TBCD: variants seen among roughly 807,000 people sequenced by gnomAD.
The protein encoded by TBCD is tubulin folding cofactor D.
Under a neutral mutation model 169.3 loss-of-function variants are expected in TBCD, and 105 were observed. The ratio of observed to expected loss-of-function variants is 0.62; its 90% CI spans 0.53 to 0.73. The LOEUF (loss-of-function observed/expected upper bound fraction) is 0.73. Among genes scored for constraint, TBCD ranks in the 30% least tolerant of loss-of-function variants. The pLI, the probability that TBCD is intolerant of heterozygous loss-of-function variation, is 0.00. For missense variants in TBCD, 1,444 were observed against 1,600.1 expected (o/e 0.90, Z 1.66); for synonymous variants, 700 against 643.9 (o/e 1.09, Z -1.32).
chr17:82,913,229 C>T (rs1287048077), intron 23 of TBCD: 1 of 152,276 alleles, frequency 6.6e-6, no homozygotes, highest in African/African-American at 2.4e-5. Flanking sequence ...CAATGTCCCC[C>T]ACTTCCCACC....
At chr17:82,850,958 G>A (rs1174590370) in intron 13 of TBCD, among the ~76,000 whole-genome samples, 9 of 152,246 alleles carry the variant, frequency 5.9e-5, no homozygotes, top group Non-Finnish European at 1.3e-4. Context: ...TACTGTGTGT[G>A]CACATACAAT....
chr17:82,856,687 C>T lies in TBCD; in HGVS notation c.1319-13537C>T, dbSNP rs75011465. Among the ~76,000 whole-genome samples, 1,460 of 152,102 alleles carry T rather than the reference C, an allele frequency of 9.6e-3. 33 individuals carry two copies. The highest frequency in any genetic ancestry group is 0.033 in the African/African-American group (1,353 of 41,402). On this transcript the variant is annotated intron_variant, in intron 13 of 38. Transcript: ENST00000355528. ...TTGCGTACAAGTGTCTGTTTGAATC[C>T]CTGTCTTCCCCTTTTTTGGGTGCGC... is the stretch of plus-strand genomic sequence containing the variant.
Position 82,781,766 on chromosome 17 carries a change from G to A in TBCD, c.771+45G>A, listed in dbSNP as rs368553703. The A allele has an allele frequency of 1.4e-5, 22 of 1,599,806 alleles. No individual in the cohort carries two copies. In the African/African-American group the frequency reaches 2.6e-4, roughly 19 times the overall value. On this transcript the variant is annotated intron_variant, in intron 7 of 38. Transcript: ENST00000355528. ...GCTGTGGAGATCGCAGGGAAATGGC[G>A]CCTTACATGGGGACCACGGAATGAT...
chr17:82,764,012 C>T lies in TBCD; in HGVS notation c.283C>T (p.Pro95Ser). The change falls in exon 3 of 39, where the codon CCA becomes TCA. Residue 95 changes from proline to serine, a missense_variant. Coordinates refer to ENST00000355528, the MANE Select transcript of TBCD (RefSeq NM_005993.5). ...GGACATAGTGCAAGATCAGACATCT[C>T]CAGCTTCCCTTGTACATCTGGCTTT... is the stretch of plus-strand genomic sequence containing the variant. ...LLDIVQDQTSPASLVHLAFKF... is the reference protein window; with the variant it reads ...LLDIVQDQTSSASLVHLAFKF... 6 of 1,613,974 alleles carry T rather than the reference C, an allele frequency of 3.7e-6. No individual in the cohort carries two copies. Among genetic ancestry groups the T allele is most frequent in the Non-Finnish European group, 5.1e-6 (6 of 1,179,868 alleles).
chr17:82,769,723 A>C (rs2048207404), intron 5 of TBCD, among the ~76,000 whole-genome samples: 1 of 151,950 alleles, frequency 6.6e-6, no homozygotes, highest in African/African-American at 2.4e-5. Context: ...CTAAAAATAC[A>C]AAAATTAGCT....
chr17:82,863,975 A>T (rs77141970), intron 13 of TBCD, among the ~76,000 whole-genome samples: 8 of 152,198 alleles, frequency 5.3e-5, no homozygotes, highest in African/African-American at 1.9e-4. Flanking sequence ...AGCTGAGTAG[A>T]TTACCACCCT....
intron 17 of TBCD, among the ~76,000 whole-genome samples, chr17:82,898,488 G>A (rs578251194): frequency 5.3e-5 from 8 of 152,366 alleles, no homozygotes; most frequent in Non-Finnish European, 1.0e-4. Context: ...GCAGGAGGCT[G>A]AACACCGCTT....
chr17:82,792,037 C>T (rs537075827), intron 7 of TBCD, among the ~76,000 whole-genome samples: 3 of 152,292 alleles, frequency 2.0e-5, no homozygotes, highest in East Asian at 1.9e-4. Context: ...CAGCTGGGCA[C>T]GGTGGATCAC....
In TBCD at chr17:82,889,499, G is replaced by T. The variant is rs140251805; in HGVS notation, c.1534-169G>T. Among the ~76,000 whole-genome samples, 21 of 152,304 alleles carry T rather than the reference G, an allele frequency of 1.4e-4. No individual in the cohort carries two copies. The East Asian group carries it at 4.1e-3, about 29-fold the overall frequency. On this transcript the variant is annotated intron_variant, in intron 15 of 38. Transcript: ENST00000355528. This position sits in a 1 kb window ranked among gnomAD's most constrained non-coding sequence, Gnocchi z 5.3. ...TTGTGGTTTTAAAGAGCACCAGGAC[G>T]TAAAAACAGAGTGACGCACCTTGAG... is the stretch of plus-strand genomic sequence containing the variant.
chr17:82,846,269 T>C (rs8068907), intron 13 of TBCD, among the ~76,000 whole-genome samples: 98,919 of 117,716 alleles, frequency 0.84, 41,861 homozygotes, highest in East Asian at 0.93. Flanking sequence ...TCCTCTGTGC[T>C]GTGTCCTCTT....
intron 12 of TBCD, among the ~76,000 whole-genome samples, chr17:82,814,393 C>T (rs539178008): frequency 6.6e-6 from 1 of 152,230 alleles, no homozygotes; most frequent in Admixed American, 6.5e-5. Context: ...ACGGGACGGT[C>T]TCTTTGTTTG....
At chr17:82,928,350 C>G (rs1236767466) in intron 30 of TBCD, among the ~76,000 whole-genome samples, 1 of 152,230 alleles carries the variant, frequency 6.6e-6, no homozygotes, top group African/African-American at 2.4e-5. Flanking sequence ...GGGTCTGCTC[C>G]TGCCAGGACC....
intron 13 of TBCD, among the ~76,000 whole-genome samples, chr17:82,852,204 C>T (rs1220679729): frequency 4.8e-5 from 7 of 146,762 alleles, no homozygotes; most frequent in African/African-American, 1.7e-4. Flanking sequence ...TCTACCCATT[C>T]TGGACATTTC....
At chr17:82,906,293 T>A (rs2060246734) in intron 20 of TBCD, among the ~76,000 whole-genome samples, 1 of 152,236 alleles carries the variant, frequency 6.6e-6, no homozygotes. Flanking sequence ...AGCACCCGGA[T>A]GGGCCGGGCA....
intron 17 of TBCD, among the ~76,000 whole-genome samples, chr17:82,896,690 CT>C (rs2059509573): frequency 6.6e-6 from 1 of 152,142 alleles, no homozygotes; most frequent in African/African-American, 2.4e-5. Flanking sequence ...TCTTGAACCC[CT>C]GGTCTCAAGT....
At chr17:82,795,989 A>C (rs1017373533) in intron 7 of TBCD, 1 of 152,258 alleles carries the variant, frequency 6.6e-6, no homozygotes, top group Admixed American at 6.5e-5. Flanking sequence ...AAGCCTACCA[A>C]GGTGGTGGGT....
intron 17 of TBCD, among the ~76,000 whole-genome samples, chr17:82,899,304 GCT>G (rs2059723396): frequency 1.4e-5 from 2 of 146,556 alleles, no homozygotes; most frequent in African/African-American, 2.5e-5. Flanking sequence ...TGTGTCCTCC[GCT>G]CACGTGTCCT....
intron 15 of TBCD, chr17:82,886,116 T>TCCCTTGC (rs1470660804): frequency 1.3e-5 from 2 of 152,238 alleles, no homozygotes; most frequent in Non-Finnish European, 2.9e-5. Flanking sequence ...CTGGACACGG[T>TCCCTTGC]CCCTTGCCCC....
rs1300181339 is a variant in TBCD at position 82,878,819 on chromosome 17, A to G, written c.1476-5326A>G. On this transcript the variant is annotated intron_variant, in intron 14 of 38. Coordinates refer to ENST00000355528, the MANE Select transcript of TBCD (RefSeq NM_005993.5). ...TTCCTGTGTCCCCACCCCGACGTTCAGTGATTGCAGCTTGTTCTTAAGGAA... is the reference window on the plus strand; with the variant it reads ...TTCCTGTGTCCCCACCCCGACGTTCGGTGATTGCAGCTTGTTCTTAAGGAA... Among the ~76,000 whole-genome samples, 3 of 152,198 alleles carry G rather than the reference A, an allele frequency of 2.0e-5. No individual in the cohort carries two copies. The East Asian group carries it at 5.8e-4, about 29-fold the overall frequency.
Sources: allele counts gnomAD v4.1 joint callset (sites outside exome capture counted in the v4.1 genomes callset), GRCh38; gene constraint gnomAD v4.1.1; non-coding constraint Gnocchi (gnomAD v3.1); transcripts MANE v1.5; gene names NCBI Gene and HGNC (gene_info 2026-07-23, HGNC 2026-07-21).